Variants in AKAP6 observed in about 807,000 individuals in gnomAD.
The protein encoded by AKAP6 is A-kinase anchoring protein 6.
AKAP6 carries 58 observed loss-of-function variants against 188.5 expected under a neutral mutation model. The observed-to-expected ratio is 0.31, with a 90% CI of 0.25 to 0.38. AKAP6 has a LOEUF of 0.38. Ranked by LOEUF, AKAP6 falls within the 10% of genes least tolerant of loss-of-function variation. The pLI is 1.00. For missense variants in AKAP6, 2,710 were observed against 2,740.0 expected (o/e 0.99, Z 0.24); for synonymous variants, 989 against 998.6 (o/e 0.99, Z 0.18).
chr14:32,660,372 A>G (rs1034687586), intron 7 of AKAP6, among the ~76,000 whole-genome samples: 1 of 152,140 alleles, frequency 6.6e-6, no homozygotes, highest in Non-Finnish European at 1.5e-5. Context: ...CATTAGCAAA[A>G]AGAAATTGAG....
chr14:32,814,650 A>G (rs2140125786), intron 12 of AKAP6, among the ~76,000 whole-genome samples: 1 of 152,254 alleles, frequency 6.6e-6, no homozygotes, highest in Admixed American at 6.5e-5. Flanking sequence ...CTTTCTCCAG[A>G]TCCCTTCAAC....
chr14:32,766,990 G>A (rs1278752817), intron 11 of AKAP6, among the ~76,000 whole-genome samples: 1 of 152,088 alleles, frequency 6.6e-6, no homozygotes, highest in East Asian at 1.9e-4. Flanking sequence ...TGTAGATGGT[G>A]TGGGATAGGG....
intron 7 of AKAP6, among the ~76,000 whole-genome samples, chr14:32,643,514 G>C (rs574051157): frequency 7.9e-5 from 12 of 152,114 alleles, no homozygotes; most frequent in Middle Eastern, 3.4e-3. Context: ...CACCATGTTG[G>C]TCAGGCTGGT....
intron 9 of AKAP6, among the ~76,000 whole-genome samples, chr14:32,707,599 A>G (rs750113451): frequency 1.3e-5 from 2 of 152,082 alleles, no homozygotes; most frequent in Non-Finnish European, 2.9e-5. Flanking sequence ...TTGATTATTT[A>G]TTAATGTATC....
chr14:32,406,506 G>A (rs1356097322), intron 1 of AKAP6, among the ~76,000 whole-genome samples: 1 of 151,900 alleles, frequency 6.6e-6, no homozygotes, highest in African/African-American at 2.4e-5. Flanking sequence ...CTGGGCCTGG[G>A]GAATACAATG....
At chr14:32,666,715 A>G (rs572434986) in intron 7 of AKAP6, among the ~76,000 whole-genome samples, 1 of 152,206 alleles carries the variant, frequency 6.6e-6, no homozygotes, top group African/African-American at 2.4e-5. Context: ...TGTCATATAT[A>G]AGATTTTTTA....
At chr14:32,818,221 G>T (rs1040863033) in intron 12 of AKAP6, among the ~76,000 whole-genome samples, 2 of 152,016 alleles carry the variant, frequency 1.3e-5, no homozygotes, top group African/African-American at 2.4e-5. Context: ...AATATAAGAG[G>T]TTTATAAGAG....
At chr14:32,534,246 A>G (rs867263907) in intron 2 of AKAP6, among the ~76,000 whole-genome samples, 48 of 152,202 alleles carry the variant, frequency 3.2e-4, no homozygotes, top group African/African-American at 1.0e-3. Flanking sequence ...CTCAAATGCT[A>G]TCTTCAAATT....
At chr14:32,348,409 TTTTG>T (rs1314736762) in intron 1 of AKAP6, among the ~76,000 whole-genome samples, 1 of 90,680 alleles carries the variant, frequency 1.1e-5, no homozygotes, top group African/African-American at 6.5e-5. Context: ...CTTTCTTTTC[TTTTG>T]TTTCTTTTTT....
Position 32,673,955 on chromosome 14 carries a change from A to G in AKAP6, c.2731-4356A>G, listed in dbSNP as rs535768104. ...AGAATTTTAAATTTTGATATGTGTTATGAAGGAAATTAATCTGGATATGAA... is the reference window on the plus strand; with the variant it reads ...AGAATTTTAAATTTTGATATGTGTTGTGAAGGAAATTAATCTGGATATGAA... On this transcript the variant is annotated intron_variant, in intron 7 of 13. Coordinates refer to ENST00000280979, the MANE Select transcript of AKAP6 (RefSeq NM_004274.5). 4.6e-5 allele frequency among the ~76,000 whole-genome samples: 7 copies of G among 152,314 alleles called. No homozygotes were observed. In the East Asian group the frequency reaches 1.3e-3, roughly 29 times the overall value.
chr14:32,540,131 G>GCTCTCTCTCTCTCT (rs1216788649), intron 3 of AKAP6, among the ~76,000 whole-genome samples: 24 of 66,472 alleles, frequency 3.6e-4, no homozygotes, highest in African/African-American at 1.5e-3. Context: ...TTGCTCGTGC[G>GCTCTCTCTCTCTCT]CTCTCTCTCT....
chr14:32,804,533 C>A (rs1440834962), intron 12 of AKAP6, among the ~76,000 whole-genome samples: 1 of 152,192 alleles, frequency 6.6e-6, no homozygotes, highest in Admixed American at 6.5e-5. Flanking sequence ...AGATCACATG[C>A]TTCTGAGGGA....
intron 1 of AKAP6, among the ~76,000 whole-genome samples, chr14:32,338,851 A>G (rs1343599390): frequency 3.3e-5 from 5 of 152,164 alleles, no homozygotes; most frequent in African/African-American, 1.2e-4. Context: ...TTATTGTTTC[A>G]CATACTTAGA....
rs1216417407 is a variant in AKAP6, at chr14:32,837,660, T to C, written c.*7855T>C. 1 of 152,232 alleles carries C rather than the reference T, an allele frequency of 6.6e-6. No individual in the cohort carries two copies. Among genetic ancestry groups the C allele is most frequent in the East Asian group, 1.9e-4 (1 of 5,200 alleles). The allele number at this position is 152,232 out of a possible 1,614,324, so 9.4% of individuals were successfully genotyped here. On this transcript the variant is annotated 3_prime_UTR_variant, in exon 14 of 14. Transcript: ENST00000280979. ...AGCCAAGTTGGTGGAATTTATCTTG[T>C]CATTAAAATGATGTGAAAATCAAAT...
intron 1 of AKAP6, among the ~76,000 whole-genome samples, chr14:32,360,848 T>G (rs1343758292): frequency 6.6e-6 from 1 of 150,692 alleles, no homozygotes; most frequent in African/African-American, 2.4e-5. Context: ...GGCTCAAGTG[T>G]TCCTCCCACC....
Position 32,546,757 on chromosome 14 carries a change from A to G in AKAP6, c.2104A>G (p.Ser702Gly), listed in dbSNP as rs1394737774. 3 of 1,614,006 alleles carry G rather than the reference A, an allele frequency of 1.9e-6. No homozygotes were observed. The highest frequency in any genetic ancestry group is 2.5e-6 in the Non-Finnish European group (3 of 1,180,016). The change falls in exon 4 of 14, where the codon AGT becomes GGT. Residue 702 changes from serine (S) to glycine (G), a missense_variant. Physicochemically the swap from Ser to Gly is moderately conservative, Grantham distance 56. This residue lies in a region of AKAP6 where 2,473 missense variants were observed against 2,426.1 expected (regional missense o/e 1.02). Coordinates refer to ENST00000280979, the MANE Select transcript of AKAP6 (RefSeq NM_004274.5). ...RLGRVSPSSS[S>G]DIASSLGESI... ...AGGCAGGGTGTCTCCAAGCTCATCT[A>G]GTGACATAGCCTCTTCACTAGGGGA...
intron 4 of AKAP6, among the ~76,000 whole-genome samples, chr14:32,570,590 C>T (rs1185241745): frequency 6.6e-6 from 1 of 152,118 alleles, no homozygotes; most frequent in African/African-American, 2.4e-5. Flanking sequence ...ACTTATCAAG[C>T]TCTTGTTTTA....
chr14:32,756,808 G>A (rs748521345), intron 11 of AKAP6, among the ~76,000 whole-genome samples: 10 of 152,184 alleles, frequency 6.6e-5, no homozygotes, highest in Admixed American at 2.6e-4. Flanking sequence ...TGATGCTGCA[G>A]GGGCTGGCCT....
intron 1 of AKAP6, among the ~76,000 whole-genome samples, chr14:32,355,658 T>C (rs1566460885): frequency 6.6e-6 from 1 of 152,238 alleles, no homozygotes; most frequent in Non-Finnish European, 1.5e-5. Flanking sequence ...ACTACCATAA[T>C]TTTGAACCAA....
Sources: gnomAD v4.1 joint callset for allele counts (sites outside exome capture counted in the v4.1 genomes callset) on GRCh38, gnomAD v4.1.1 for gene constraint, gnomAD v4.1.1 regional missense constraint, MANE v1.5 for transcripts, NCBI Gene and HGNC (gene_info 2026-07-23, HGNC 2026-07-21) for gene names.